PALD1: variants seen among roughly 807,000 people sequenced by gnomAD.
The protein encoded by PALD1 is phosphatase domain containing paladin 1.
PALD1 carries 57 observed loss-of-function variants against 96.0 expected under a neutral mutation model. The ratio of observed to expected loss-of-function variants is 0.59; its 90% CI spans 0.48 to 0.74. The LOEUF (loss-of-function observed/expected upper bound fraction) is 0.74, where lower values mean the gene tolerates loss of function less well. PALD1 is among the 30% of genes least tolerant of loss of function. PALD1 has a pLI of 0.00. For missense variants in PALD1, 1,063 were observed against 1,143.7 expected (o/e 0.93, Z 1.02); for synonymous variants, 464 against 473.6 (o/e 0.98, Z 0.26).
chr10:70,541,543 G>C lies in PALD1; in HGVS notation c.2121+9G>C. On this transcript the variant is annotated intron_variant, in intron 17 of 19. Coordinates refer to ENST00000263563, the MANE Select transcript of PALD1 (RefSeq NM_014431.3). ...CTAAGGGTGAATTTCAGGTGAGCAT[G>C]CCCTGCGGGGTCCCTGAGGCACCTT... The C allele has an allele frequency of 6.2e-7, 1 of 1,607,328 alleles. No individual in the cohort carries two copies. The highest frequency in any genetic ancestry group is 1.7e-5 in the Admixed American group (1 of 59,766).
chr10:70,554,712 C>T (rs61857122), intron 18 of PALD1, among the ~76,000 whole-genome samples: 1 of 151,592 alleles, frequency 6.6e-6, no homozygotes, highest in African/African-American at 2.4e-5. Context: ...CTGGGCTTTG[C>T]CTGGTGACGT....
At chr10:70,560,119 AT>A (rs1319543037) in intron 18 of PALD1, among the ~76,000 whole-genome samples, 1 of 152,228 alleles carries the variant, frequency 6.6e-6, no homozygotes, top group African/African-American at 2.4e-5. Context: ...GCAATGTTTA[AT>A]TGAAAGGTTC....
At chr10:70,544,717 T>C (rs1447146093) in intron 17 of PALD1, among the ~76,000 whole-genome samples, 2 of 152,144 alleles carry the variant, frequency 1.3e-5, no homozygotes, top group Non-Finnish European at 2.9e-5. Flanking sequence ...GCCCTCTGTC[T>C]GAGGTGGCCC....
At chr10:70,508,513 T>C (rs1292125357) in intron 1 of PALD1, among the ~76,000 whole-genome samples, 1 of 152,168 alleles carries the variant, frequency 6.6e-6, no homozygotes, top group East Asian at 1.9e-4. Context: ...AGGTAGAATC[T>C]GCCTCCTCAG....
the PALD1 span, among the ~76,000 whole-genome samples, chr10:70,458,749 T>TCTGC: frequency 6.6e-6 from 1 of 152,212 alleles, no homozygotes; most frequent in East Asian, 1.9e-4. Context: ...TACCCAGGGC[T>TCTGC]CTGCCCTCAG....
upstream of PALD1, among the ~76,000 whole-genome samples, chr10:70,478,046 G>T (rs142508088): frequency 0.017 from 2,309 of 136,664 alleles, 64 homozygotes; most frequent in African/African-American, 0.056. Flanking sequence ...GAGGAGTGGT[G>T]GGGGGGGCAG....
chr10:70,548,545 A>T (rs574933725), intron 18 of PALD1, among the ~76,000 whole-genome samples: 33 of 152,036 alleles, frequency 2.2e-4, no homozygotes, highest in Non-Finnish European at 4.9e-4. Context: ...TGGCTTCTGG[A>T]ACAGAGGCCG....
chr10:70,545,285 G>A (rs1308702987), intron 17 of PALD1, among the ~76,000 whole-genome samples: 3 of 152,148 alleles, frequency 2.0e-5, no homozygotes, highest in African/African-American at 4.8e-5. Flanking sequence ...GTGTAAGAGA[G>A]CCATGAAGAG....
At chr10:70,493,460 C>G (rs574674105) in intron 1 of PALD1, among the ~76,000 whole-genome samples, 12 of 152,184 alleles carry the variant, frequency 7.9e-5, no homozygotes, top group Non-Finnish European at 1.5e-4. Flanking sequence ...CTCTTTTCCT[C>G]TGTCTGTCTT....
chr10:70,532,937 G>C, intron 6 of PALD1, 58 bp from the exon 7 acceptor site: 1 of 1,528,996 alleles, frequency 6.5e-7, no homozygotes, highest in Non-Finnish European at 8.9e-7. Context: ...GGAATAGGGG[G>C]TGAGGGGGAT....
chr10:70,523,721 G>A (rs17513484), intron 1 of PALD1, among the ~76,000 whole-genome samples: 6,025 of 152,258 alleles, frequency 0.04, 185 homozygotes, highest in Non-Finnish European at 0.06. Context: ...AAGCTGTCAC[G>A]AGGCTCCTGG....
At chr10:70,553,233 T>A (rs113097115) in intron 18 of PALD1, among the ~76,000 whole-genome samples, 2,618 of 152,328 alleles carry the variant, frequency 0.017, 27 homozygotes, top group Middle Eastern at 0.051. Flanking sequence ...CTCAGGTGTG[T>A]TGGGGACAGA....
At chr10:70,566,106 T>C (rs1847844332) in intron 19 of PALD1, among the ~76,000 whole-genome samples, 2 of 152,068 alleles carry the variant, frequency 1.3e-5, no homozygotes, top group Non-Finnish European at 2.9e-5. Flanking sequence ...AGGGGACTGG[T>C]TGTGGATGGT....
intron 1 of PALD1, among the ~76,000 whole-genome samples, chr10:70,480,030 G>A (rs1047307594): frequency 2.0e-5 from 3 of 152,272 alleles, no homozygotes; most frequent in African/African-American, 7.2e-5. Flanking sequence ...TGTGAGTAAT[G>A]TAGGCTGCGA....
chr10:70,559,484 T>A (rs578189308), intron 18 of PALD1, among the ~76,000 whole-genome samples: 1 of 152,262 alleles, frequency 6.6e-6, no homozygotes, highest in South Asian at 2.1e-4. Context: ...TACAGTCATT[T>A]AGGTGCTGTG....
upstream of PALD1, among the ~76,000 whole-genome samples, chr10:70,476,443 T>C (rs929248096): frequency 6.6e-6 from 1 of 152,204 alleles, no homozygotes; most frequent in Non-Finnish European, 1.5e-5. Context: ...TCTAGCCCCA[T>C]AGCCAGCAGA....
chr10:70,478,644 G>A (rs753321888), upstream of PALD1, among the ~76,000 whole-genome samples: 14 of 152,304 alleles, frequency 9.2e-5, no homozygotes, highest in South Asian at 4.1e-4. Flanking sequence ...TCCCGCCCGG[G>A]GGCTGCGGCT....
rs113224286 is a variant in PALD1, at chr10:70,538,068, G to A, written c.1323+162G>A. Among the ~76,000 whole-genome samples the A allele has an allele frequency of 7.4e-3, 1,127 of 152,296 alleles. 14 individuals are homozygous for A. The highest frequency in any genetic ancestry group is 0.025 in the African/African-American group (1,048 of 41,546). ...TTCGGGAGTAGTCCCTGAGCAGCTG[G>A]GCATAGGGAGGCCCCACCTCTTTCC... On this transcript the variant is annotated intron_variant, in intron 11 of 19. Transcript: ENST00000263563.
At chr10:70,533,299 C>T (rs1296664732) in intron 7 of PALD1, among the ~76,000 whole-genome samples, 1 of 151,568 alleles carries the variant, frequency 6.6e-6, no homozygotes, top group Admixed American at 6.6e-5. Flanking sequence ...TTATGTGTCT[C>T]TCTGTGTGTC....
Sources: gnomAD v4.1 joint callset for allele counts (sites outside exome capture counted in the v4.1 genomes callset) on GRCh38, gnomAD v4.1.1 for gene constraint, MANE v1.5 for transcripts, NCBI Gene and HGNC (gene_info 2026-07-23, HGNC 2026-07-21) for gene names.